MGMT: variants seen among roughly 807,000 people sequenced by gnomAD.
The protein encoded by MGMT is O-6-methylguanine-DNA methyltransferase, also known as methylated-DNA--protein-cysteine methyltransferase.
MGMT carries 14 observed loss-of-function variants against 15.9 expected under a neutral mutation model. The observed-to-expected ratio is 0.88, with a 90% CI of 0.58 to 1.37. The LOEUF (loss-of-function observed/expected upper bound fraction) is 1.37, where lower values mean the gene tolerates loss of function less well. Among genes scored for constraint, MGMT ranks in the 40% most tolerant of loss-of-function variants. MGMT has a pLI of 0.00. For missense variants in MGMT, 282 were observed against 268.1 expected (o/e 1.05, Z -0.36); for synonymous variants, 130 against 118.2 (o/e 1.10, Z -0.65).
At chr10:129,764,419 A>T (rs1214970892) in intron 4 of MGMT, among the ~76,000 whole-genome samples, 1 of 152,232 alleles carries the variant, frequency 6.6e-6, no homozygotes, top group African/African-American at 2.4e-5. Flanking sequence ...TGTGGCAGGT[A>T]CATGTGTGGC....
rs912835654 is a variant in MGMT, at chr10:129,479,858, C to T, written c.-13+12562C>T. Among the ~76,000 whole-genome samples, 5 of 152,116 alleles carry T rather than the reference C, an allele frequency of 3.3e-5. No individual in the cohort carries two copies. The East Asian group carries it at 9.7e-4, about 29-fold the overall frequency. ...GCTGGGGGTCCTCACATTGTTTGGT[C>T]TCAGAGCCTTTTTGCACAGTTAAAA... On this transcript the variant is annotated intron_variant, in intron 1 of 4. Coordinates refer to ENST00000651593, the MANE Select transcript of MGMT (RefSeq NM_002412.5).
intron 1 of MGMT, among the ~76,000 whole-genome samples, chr10:129,496,608 G>A (rs1215841641): frequency 2.0e-5 from 3 of 152,100 alleles, no homozygotes; most frequent in East Asian, 1.9e-4. Context: ...ACTCTGGGCC[G>A]GGGTCTCTGG....
rs527295026 is a variant in MGMT, at chr10:129,743,859, C to G, written c.275-15343C>G. ...TGGCTACAGATGGTCATCCTAATGG[C>G]GGAAGCAGCCAGGCCAGTTGGGCTT... On this transcript the variant is annotated intron_variant, in intron 3 of 4. Transcript: ENST00000651593. Among the ~76,000 whole-genome samples, 10 of 152,322 alleles carry G rather than the reference C, an allele frequency of 6.6e-5. No individual in the cohort carries two copies. The South Asian group carries it at 2.1e-3, about 32-fold the overall frequency.
chr10:129,536,546 T>TATATATATATA, intron 2 of MGMT, 169 bp downstream of exon 2: 1 of 767,242 alleles, frequency 1.3e-6, no homozygotes, highest in Non-Finnish European at 2.0e-6. Context: ...GGCTCCTGCA[T>TATATATATATA]TTGCAGCTTC....
chr10:129,676,637 A>G (rs1396820995), intron 2 of MGMT, among the ~76,000 whole-genome samples: 3 of 152,196 alleles, frequency 2.0e-5, no homozygotes, highest in African/African-American at 7.2e-5. Context: ...GATAATTATA[A>G]TCACTTTTAA....
At chr10:129,520,296 C>A (rs7087241) in intron 1 of MGMT, among the ~76,000 whole-genome samples, 37,791 of 152,046 alleles carry the variant, frequency 0.25, 5,648 homozygotes, top group African/African-American at 0.42. Flanking sequence ...CTGCTGCAGA[C>A]AGGACCCAGA....
intron 3 of MGMT, among the ~76,000 whole-genome samples, chr10:129,734,420 G>C (rs1282101128): frequency 6.7e-6 from 1 of 150,166 alleles, no homozygotes; most frequent in Non-Finnish European, 1.5e-5. Flanking sequence ...TGTATCCTGA[G>C]ACTTTGCTGA....
intron 3 of MGMT, among the ~76,000 whole-genome samples, chr10:129,754,160 G>C (rs974097678): frequency 6.6e-6 from 1 of 152,088 alleles, no homozygotes; most frequent in African/African-American, 2.4e-5. Context: ...CAGCTCACCC[G>C]AACAGGTGAG....
intron 2 of MGMT, among the ~76,000 whole-genome samples, chr10:129,667,250 T>C (rs1482458293): frequency 6.6e-6 from 1 of 152,202 alleles, no homozygotes; most frequent in Non-Finnish European, 1.5e-5. Context: ...ATTCCGACTT[T>C]TCTGGGTTTT....
chr10:129,703,770 A>G (rs1315909369), intron 2 of MGMT, among the ~76,000 whole-genome samples: 1 of 152,194 alleles, frequency 6.6e-6, no homozygotes, highest in East Asian at 1.9e-4. Context: ...GCAGGAGACA[A>G]GACCCTCACC....
rs150337004 is a variant in MGMT at position 129,612,020 on chromosome 10, T to C, written c.125+75643T>C. On this transcript the variant is annotated intron_variant, in intron 2 of 4. Transcript: ENST00000651593. ...AGGTGGTCGGGGTGCAGCTTGGTTT[T>C]ATACATTTAGGGAGACATGAGACAT... Among the ~76,000 whole-genome samples the C allele has an allele frequency of 2.6e-3, 400 of 152,300 alleles. 2 individuals carry two copies. Among genetic ancestry groups the C allele is most frequent in the African/African-American group, 9.1e-3 (379 of 41,568 alleles).
chr10:129,492,555 T>C (rs1418500422), intron 1 of MGMT, among the ~76,000 whole-genome samples: 1 of 152,202 alleles, frequency 6.6e-6, no homozygotes, highest in Non-Finnish European at 1.5e-5. Flanking sequence ...ATTGCACTTT[T>C]GGGGTTCTGA....
Position 129,587,006 on chromosome 10 carries a change from G to A in MGMT, c.125+50629G>A, listed in dbSNP as rs59052696. Among the ~76,000 whole-genome samples, 1,093 of 152,252 alleles carry A rather than the reference G, an allele frequency of 7.2e-3. 19 individuals are homozygous for A. Among genetic ancestry groups the A allele is most frequent in the African/African-American group, 0.025 (1,054 of 41,562 alleles). On this transcript the variant is annotated intron_variant, in intron 2 of 4. Coordinates refer to ENST00000651593, the MANE Select transcript of MGMT (RefSeq NM_002412.5). ...TTCATATTTAAAAGATATTTTTGCT[G>A]TGCAAAGAATTTTGAGTTTTCTCTT...
At chr10:129,637,823 A>C (rs548553703) in intron 2 of MGMT, among the ~76,000 whole-genome samples, 51 of 152,358 alleles carry the variant, frequency 3.3e-4, no homozygotes, top group African/African-American at 1.2e-3. Flanking sequence ...CCGCAAGCCA[A>C]GAAGAGAGGC....
intron 2 of MGMT, among the ~76,000 whole-genome samples, chr10:129,673,843 T>TG (rs901730454): frequency 1.3e-5 from 2 of 152,360 alleles, no homozygotes; most frequent in African/African-American, 4.8e-5. Context: ...TCTCAGTTGA[T>TG]GCTCGTGCGA....
chr10:129,581,950 C>A (rs1179216105), intron 2 of MGMT, among the ~76,000 whole-genome samples: 1 of 152,220 alleles, frequency 6.6e-6, no homozygotes, highest in African/African-American at 2.4e-5. Flanking sequence ...TGCTGCCTGG[C>A]CGGCGTCTTG....
At chr10:129,575,096 C>G (rs561841461) in intron 2 of MGMT, among the ~76,000 whole-genome samples, 1 of 152,156 alleles carries the variant, frequency 6.6e-6, no homozygotes, top group Non-Finnish European at 1.5e-5. Context: ...GAGACTTTAA[C>G]ACCCCACCGT....
chr10:129,477,528 C>T (rs1017602857), intron 1 of MGMT, among the ~76,000 whole-genome samples: 1 of 152,198 alleles, frequency 6.6e-6, no homozygotes, highest in Non-Finnish European at 1.5e-5. Flanking sequence ...GGATCCTACT[C>T]TGCTAGGATT....
At chr10:129,738,835 G>C (rs1458591883) in intron 3 of MGMT, among the ~76,000 whole-genome samples, 1 of 152,148 alleles carries the variant, frequency 6.6e-6, no homozygotes, top group Non-Finnish European at 1.5e-5. Flanking sequence ...ACCAAAGGCT[G>C]GCAGAGACAC....
Sources: gnomAD v4.1 joint callset for allele counts (sites outside exome capture counted in the v4.1 genomes callset) on GRCh38, gnomAD v4.1.1 for gene constraint, MANE v1.5 for transcripts, NCBI Gene and HGNC (gene_info 2026-07-23, HGNC 2026-07-21) for gene names.